Variants in SLC5A11 observed in about 807,000 individuals in gnomAD.
The protein encoded by SLC5A11 is sodium/myo-inositol cotransporter 2.
A neutral mutation model predicts 69.8 loss-of-function variants in SLC5A11; 48 were observed. That is an observed-to-expected ratio of 0.69 (90% CI 0.55 to 0.87). The LOEUF (loss-of-function observed/expected upper bound fraction) is 0.87. Among genes scored for constraint, SLC5A11 ranks in the 40% least tolerant of loss-of-function variants. SLC5A11 has a pLI of 0.00. For synonymous variants in SLC5A11, 319 were observed against 342.4 expected (o/e 0.93, Z 0.75); for missense variants, 784 against 866.1 (o/e 0.91, Z 1.19).
At chr16:24,896,785 A>G (rs2049196707) in intron 9 of SLC5A11, among the ~76,000 whole-genome samples, 2 of 151,932 alleles carry the variant, frequency 1.3e-5, no homozygotes, top group East Asian at 1.9e-4. Context: ...ATCATCACAC[A>G]TTGCCTTTCT....
intron 7 of SLC5A11, among the ~76,000 whole-genome samples, chr16:24,878,141 C>G (rs559858814): frequency 6.6e-6 from 1 of 152,210 alleles, no homozygotes; most frequent in Non-Finnish European, 1.5e-5. Flanking sequence ...GGTGACAGAG[C>G]GAGACTCCGT....
chr16:24,865,488 C>T (rs184164391), intron 3 of SLC5A11, among the ~76,000 whole-genome samples: 18 of 152,114 alleles, frequency 1.2e-4, no homozygotes, highest in East Asian at 1.2e-3. Context: ...ACCTGGGAGG[C>T]GGAGGTTGCA....
rs746027407 is a variant in SLC5A11, at chr16:24,869,894, C to A, written c.208-7C>A. ...CTCCAAGATCTGACCCGTCCATCTCCCCACAGGTGGGTGCATCCTTGTTTG... is the reference window on the plus strand; with the variant it reads ...CTCCAAGATCTGACCCGTCCATCTCACCACAGGTGGGTGCATCCTTGTTTG... On this transcript the variant is annotated splice_polypyrimidine_tract_variant and splice_region_variant and intron_variant, in intron 3 of 15. Transcript: ENST00000347898. 1.2e-6 allele frequency: 2 copies of A among 1,611,240 alleles called. No individual in the cohort carries two copies. Among genetic ancestry groups the A allele is most frequent in the South Asian group, 2.2e-5 (2 of 91,006 alleles).
exon 7 of SLC5A11, chr16:24,877,322 T>C (rs1289888451): frequency 5.0e-6 from 8 of 1,613,962 alleles, no homozygotes; most frequent in South Asian, 3.3e-5. Context: ...TACCTGGCCA[T>C]AGTTGGGCTA....
intron 9 of SLC5A11, among the ~76,000 whole-genome samples, chr16:24,893,002 G>T (rs948119786): frequency 6.6e-6 from 1 of 151,914 alleles, no homozygotes; most frequent in Admixed American, 6.6e-5. Context: ...TGGGTGCGGT[G>T]GCTCATGCCT....
chr16:24,877,411 C>A, intron 7 of SLC5A11, 48 bp downstream of exon 8: 2 of 1,400,670 alleles, frequency 1.4e-6, no homozygotes, highest in Non-Finnish European at 2.0e-6. Flanking sequence ...TGGGCAGGGG[C>A]TGTGGGCCAC....
intron 10 of SLC5A11, among the ~76,000 whole-genome samples, chr16:24,901,120 T>C (rs1454129263): frequency 1.3e-5 from 2 of 152,138 alleles, no homozygotes; most frequent in African/African-American, 4.8e-5. Context: ...TTAATGTCTC[T>C]TTGCTTCGTT....
At chr16:24,862,985 A>AAT (rs113073003) in intron 3 of SLC5A11, among the ~76,000 whole-genome samples, 14,166 of 139,050 alleles carry the variant, frequency 0.1, 1,663 homozygotes, top group East Asian at 0.27. Flanking sequence ...ATAATTATAT[A>AAT]ATATATAATC....
At chr16:24,867,889 C>A (rs890579505) in intron 3 of SLC5A11, among the ~76,000 whole-genome samples, 1 of 152,032 alleles carries the variant, frequency 6.6e-6, no homozygotes, top group African/African-American at 2.4e-5. Flanking sequence ...GTAATCCTAG[C>A]ACTTTGGGAG....
At chr16:24,851,207 T>G (rs1237020218) in intron 1 of SLC5A11, among the ~76,000 whole-genome samples, 1 of 151,996 alleles carries the variant, frequency 6.6e-6, no homozygotes, top group Admixed American at 6.6e-5. Context: ...CATAGCTCAA[T>G]GCAGTCTCAA....
At chr16:24,908,425 C>T (rs558492004) in intron 13 of SLC5A11, among the ~76,000 whole-genome samples, 221 of 151,882 alleles carry the variant, frequency 1.5e-3, no homozygotes, top group African/African-American at 5.1e-3. Flanking sequence ...ATGGTGAAAG[C>T]CCATCATTAC....
intron 3 of SLC5A11, among the ~76,000 whole-genome samples, chr16:24,869,098 C>G (rs2047110216): frequency 6.6e-6 from 1 of 152,024 alleles, no homozygotes; most frequent in Non-Finnish European, 1.5e-5. Flanking sequence ...AAACTCCTGA[C>G]CTCAAGTGAT....
intron 10 of SLC5A11, among the ~76,000 whole-genome samples, chr16:24,900,975 T>G (rs1370201747): frequency 6.6e-6 from 1 of 151,208 alleles, no homozygotes; most frequent in Admixed American, 6.6e-5. Context: ...ACATTCATTG[T>G]GCACTTGCTA....
exon 16 of SLC5A11, chr16:24,911,375 C>T: frequency 4.3e-6 from 7 of 1,614,062 alleles, no homozygotes; most frequent in Non-Finnish European, 5.9e-6. Flanking sequence ...CATCCTGTGG[C>T]TCTGTGGAAT....
chr16:24,872,742 G>A (rs527944353), intron 5 of SLC5A11, among the ~76,000 whole-genome samples: 4 of 150,950 alleles, frequency 2.6e-5, no homozygotes, highest in Non-Finnish European at 5.9e-5. Context: ...GGCTGGTCTC[G>A]AACTCCTGGG....
chr16:24,898,551 C>T (rs2152393994), intron 10 of SLC5A11, among the ~76,000 whole-genome samples: 1 of 146,590 alleles, frequency 6.8e-6, no homozygotes, highest in East Asian at 2.0e-4. Flanking sequence ...CGGAGTCTTG[C>T]ACTGTCGCCC....
At chr16:24,894,583 C>T (rs1218070228) in intron 9 of SLC5A11, among the ~76,000 whole-genome samples, 1 of 151,620 alleles carries the variant, frequency 6.6e-6, no homozygotes, top group African/African-American at 2.4e-5. Flanking sequence ...GGGCGGATCA[C>T]GAGGTCAGGA....
intron 7 of SLC5A11, among the ~76,000 whole-genome samples, chr16:24,881,093 C>T (rs949837333): frequency 2.6e-5 from 4 of 151,752 alleles, no homozygotes; most frequent in Non-Finnish European, 5.9e-5. Context: ...GTAATCCCAG[C>T]TACCTGGGAG....
intron 9 of SLC5A11, among the ~76,000 whole-genome samples, chr16:24,895,166 A>G: frequency 6.6e-6 from 1 of 150,564 alleles, no homozygotes; most frequent in East Asian, 2.0e-4. Flanking sequence ...CCATCCGACT[A>G]CTCTCCCTTT....
Sources: allele counts gnomAD v4.1 joint callset (sites outside exome capture counted in the v4.1 genomes callset), GRCh38; gene constraint gnomAD v4.1.1; transcripts MANE v1.5; gene names NCBI Gene and HGNC (gene_info 2026-07-23, HGNC 2026-07-21).